The following ETV3 variants were observed in gnomAD, a reference collection of about 807,000 sequenced individuals.
The protein encoded by ETV3 is ETS translocation variant 3.
In ETV3, 8 loss-of-function variants were observed where a neutral mutation model predicts 33.0. That is an observed-to-expected ratio of 0.24 (90% confidence interval 0.14 to 0.44). The LOEUF (loss-of-function observed/expected upper bound fraction) is 0.44. Among genes scored for constraint, ETV3 ranks in the 20% least tolerant of loss-of-function variants. The pLI is 1.00. For missense variants in ETV3, 473 were observed against 652.3 expected, an observed-to-expected ratio of 0.73 and a Z score of 2.99; for synonymous variants, 222 against 238.9, an observed-to-expected ratio of 0.93 and a Z score of 0.65.
At position 157,122,579 on chromosome 1, in the gene ETV3, A is replaced by G. The variant is rs1376820902; in HGVS notation, c.*2262T>C. ...GGGTTCTAGGGGGTTACAGGTATGCATCATGGATTCTTCTCCCTCGTATTT... is the reference window on the plus strand; with the variant it reads ...GGGTTCTAGGGGGTTACAGGTATGCGTCATGGATTCTTCTCCCTCGTATTT... On this transcript the variant is annotated 3_prime_UTR_variant, in exon 5 of 5. Transcript: ENST00000368192. 6.6e-6 allele frequency: 1 copy of G among 152,144 alleles called. No homozygotes were observed. The highest frequency in any genetic ancestry group is 2.4e-5 in the African/African-American group (1 of 41,422). The allele number at this position is 152,144 out of a possible 1,614,324, so 9.4% of individuals were successfully genotyped here. A position where few individuals can be genotyped will look rare whatever the true frequency, so the allele number is the denominator to read the frequency against.
chr1:157,137,273 T>C (rs1675136257), intron 1 of ETV3, among the ~76,000 whole-genome samples: 1 of 151,712 alleles, frequency 6.6e-6, no homozygotes, highest in African/African-American at 2.4e-5. Context: ...TTCCCCAGGG[T>C]GGATGACAGG....
chr1:157,125,295 C>T lies in ETV3; in HGVS notation c.1085G>A (p.Ser362Asn). 6.4e-7 allele frequency: 1 copy of T among 1,552,110 alleles called. No homozygotes were observed. Among genetic ancestry groups the T allele is most frequent in the Non-Finnish European group, 8.7e-7 (1 of 1,147,094 alleles). The change falls in exon 5 of 5, where the codon AGC (serine) becomes AAC (asparagine). Residue 362 changes from serine to asparagine, a missense_variant. Ser to Asn is a conservative substitution (Grantham distance 46). Around this residue, in one of 3 missense-constraint regions of ETV3, gnomAD observed 410 missense variants for 520.2 expected, o/e 0.79. Transcript: ENST00000368192. The surrounding 1 kb of genome is among the most constrained non-coding windows in gnomAD (Gnocchi z 4.0). ...CGTGGTGACTGGTGCTGACTCCTCG[C>T]TGCTCTCAACCCTCTCCCGGTTCTT... ...GRKNRERVES[S>N]EESAPVTTPT...
rs1419790284 is a variant in ETV3 at position 157,125,907 on chromosome 1, T to C, written c.473A>G (p.His158Arg). Residue 158 changes from histidine to arginine, a missense_variant, in exon 5 of 5, where the codon CAT (histidine) becomes CGT (arginine). Around this residue, in one of 3 missense-constraint regions of ETV3, gnomAD observed 410 missense variants for 520.2 expected, o/e 0.79. Coordinates refer to ENST00000368192, the MANE Select transcript of ETV3 (RefSeq NM_001145312.3). The surrounding 1 kb of genome is among the most constrained non-coding windows in gnomAD (Gnocchi z 4.0). ...CGGCTGCACATCATTGGTTGGAGAA[T>C]GGGTGTCCAGAGGTGGGAAATGGAA... ...SRFHFPPLDT[H>R]SPTNDVQPGR... 4.5e-6 allele frequency: 7 copies of C among 1,551,640 alleles called. No homozygotes were observed. Among genetic ancestry groups the C allele is most frequent in the African/African-American group, 2.7e-5 (2 of 73,044 alleles).
intron 4 of ETV3, among the ~76,000 whole-genome samples, chr1:157,126,726 G>T (rs879917912): frequency 2.6e-5 from 4 of 151,540 alleles, no homozygotes; most frequent in African/African-American, 9.7e-5. Context: ...TGTGCGGAGG[G>T]GCAGAGCTGC....
rs995016813 is a variant in ETV3 at position 157,137,505 on chromosome 1, GAA to G, written c.-14+809_-14+810del. On this transcript the variant is annotated intron_variant, in intron 1 of 4. Coordinates refer to ENST00000368192, the MANE Select transcript of ETV3 (RefSeq NM_001145312.3). ...CACCCCAAAGGAAGGAGCAGACAAGGAAAAACACACACACACACACACACACA... is the reference window on the plus strand; with the variant it reads ...CACCCCAAAGGAAGGAGCAGACAAGGAAACACACACACACACACACACACA... Among the ~76,000 whole-genome samples the G allele has an allele frequency of 4.6e-4, 53 of 115,046 alleles. 1 individual carries two copies. The highest frequency in any genetic ancestry group is 8.5e-5 in the Non-Finnish European group (5 of 58,756). 75.5% of individuals were successfully genotyped at this position (115,046 alleles called of 152,430 possible). A position where few individuals can be genotyped will look rare whatever the true frequency, so the allele number is the denominator to read the frequency against.
chr1:157,130,703 CTAT>C (rs1478547798), intron 4 of ETV3, among the ~76,000 whole-genome samples: 1 of 152,100 alleles, frequency 6.6e-6, no homozygotes, highest in Non-Finnish European at 1.5e-5. Flanking sequence ...AGCACAGGGC[CTAT>C]TGTTATGACG....
chr1:157,125,933 C>G lies in ETV3; in HGVS notation c.447G>C (p.Arg149=). 1 of 1,551,614 alleles carries G rather than the reference C, an allele frequency of 6.4e-7. No homozygotes were observed. The highest frequency in any genetic ancestry group is 8.7e-7 in the Non-Finnish European group (1 of 1,146,946). Residue 149 remains arginine, a synonymous_variant, in exon 5 of 5, where the codon CGG becomes CGC. Transcript: ENST00000368192. The surrounding 1 kb of genome is among the most constrained non-coding windows in gnomAD (Gnocchi z 4.0). Reference sequence around the variant, plus strand: ...GGGTGTCCAGAGGTGGGAAATGGAACCGGGAAGAGGCTGTTGGCACTGGTG... The same window carrying G: ...GGGTGTCCAGAGGTGGGAAATGGAAGCGGGAAGAGGCTGTTGGCACTGGTG... The part of the protein sequence containing the change: ...SAPPVPTASS[R]FHFPPLDTHS...
chr1:157,133,519 A>G lies in ETV3; in HGVS notation c.400+593T>C, dbSNP rs1040690608. ...GGAGCTGTGATGGAAAGCTATAACC[A>G]GGAAAGTCAAGAGGGGAAGCCCTAC... On this transcript the variant is annotated intron_variant, in intron 4 of 4. Transcript: ENST00000368192. 1.3e-5 allele frequency: 13 copies of G among 985,850 alleles called. No homozygotes were observed. In the Admixed American group the frequency reaches 2.5e-4, roughly 19 times the overall value. The allele number at this position is 985,850 out of a possible 1,614,324, so 61.1% of individuals were successfully genotyped here.
chr1:157,125,201 G>A lies in ETV3; in HGVS notation c.1179C>T (p.Leu393=), dbSNP rs1417528657. The A allele has an allele frequency of 3.9e-6, 6 of 1,552,232 alleles. No homozygotes were observed. In the South Asian group the frequency reaches 5.9e-5, roughly 15 times the overall value. ...EPASEKDPES[L]RQSAREKEEH... is the part of the protein sequence containing the mutation. ...CCTCCTTCTCTCGTGCCGACTGCCTGAGGCTCTCAGGATCCTTTTCAGAGG... is the reference window on the plus strand; with the variant it reads ...CCTCCTTCTCTCGTGCCGACTGCCTAAGGCTCTCAGGATCCTTTTCAGAGG... Residue 393 remains leucine (L), a synonymous_variant, in exon 5 of 5, where the codon CTC becomes CTT. Coordinates refer to ENST00000368192, the MANE Select transcript of ETV3 (RefSeq NM_001145312.3). The surrounding 1 kb of genome is among the most constrained non-coding windows in gnomAD (Gnocchi z 4.0).
chr1:157,129,412 C>CT (rs1158745800), intron 4 of ETV3, among the ~76,000 whole-genome samples: 1 of 152,188 alleles, frequency 6.6e-6, no homozygotes, highest in African/African-American at 2.4e-5. Context: ...AAACATAACA[C>CT]TGTAGAACTG....
In ETV3 at chr1:157,134,145, G is replaced by A; in HGVS notation, c.367C>T (p.Pro123Ser). 1.2e-6 allele frequency: 2 copies of A among 1,613,962 alleles called. No homozygotes were observed. Among genetic ancestry groups the A allele is most frequent in the Non-Finnish European group, 1.7e-6 (2 of 1,179,932 alleles). The change falls in exon 4 of 5, where the codon CCC becomes TCC. Residue 123 changes from proline (P) to serine (S), a missense_variant. Physicochemically the swap from Pro to Ser is moderately conservative, Grantham distance 74. This residue lies in a region of ETV3 where 410 missense variants were observed against 520.2 expected (regional missense o/e 0.79). Coordinates refer to ENST00000368192, the MANE Select transcript of ETV3 (RefSeq NM_001145312.3). ...YKFNFNKLVM[P>S]NYPFINIRSS... ...CGAATGTTGATGAATGGGTAGTTGG[G>A]CATCACCAGCTTGTTGAAGTTAAAT...
At position 157,134,151 on chromosome 1, in the gene ETV3, C is replaced by T; in HGVS notation, c.361G>A (p.Val121Met). 2.5e-6 allele frequency: 4 copies of T among 1,614,030 alleles called. No homozygotes were observed. The highest frequency in any genetic ancestry group is 3.4e-6 in the Non-Finnish European group (4 of 1,179,952). The change falls in exon 4 of 5, where the codon GTG (valine) becomes ATG (methionine). Residue 121 changes from valine (V) to methionine (M), a missense_variant. By Grantham distance (21) the Val-to-Met change is conservative. Transcript: ENST00000368192. ...TTGATGAATGGGTAGTTGGGCATCACCAGCTTGTTGAAGTTAAATTTATAG... is the reference window on the plus strand; with the variant it reads ...TTGATGAATGGGTAGTTGGGCATCATCAGCTTGTTGAAGTTAAATTTATAG... ...FTYKFNFNKLVMPNYPFINIR... is the reference protein window; with the variant it reads ...FTYKFNFNKLMMPNYPFINIR...
chr1:157,121,725 C>G lies in ETV3; in HGVS notation c.*3116G>C, dbSNP rs1311406055. On this transcript the variant is annotated 3_prime_UTR_variant, in exon 5 of 5. Coordinates refer to ENST00000368192, the MANE Select transcript of ETV3 (RefSeq NM_001145312.3). Reference sequence around the variant, plus strand: ...GAATAAATAAAAAACAAGGGACAAACAGCCAACTGACTCTACCCACTTGGT... The same window carrying G: ...GAATAAATAAAAAACAAGGGACAAAGAGCCAACTGACTCTACCCACTTGGT... The G allele has an allele frequency of 6.6e-6, 1 of 152,186 alleles. No individual in the cohort carries two copies. Among genetic ancestry groups the G allele is most frequent in the Non-Finnish European group, 1.5e-5 (1 of 68,038 alleles). The allele number at this position is 152,186 out of a possible 1,614,324, so 9.4% of individuals were successfully genotyped here.
chr1:157,132,778 G>C (rs1377112118), intron 4 of ETV3, among the ~76,000 whole-genome samples: 2 of 151,646 alleles, frequency 1.3e-5, no homozygotes, highest in Non-Finnish European at 2.9e-5. Flanking sequence ...GCATGCCCCA[G>C]GGACAGGAGG....
At chr1:157,129,406 A>G (rs567427233) in intron 4 of ETV3, among the ~76,000 whole-genome samples, 74 of 152,390 alleles carry the variant, frequency 4.9e-4, no homozygotes, top group African/African-American at 1.7e-3. Flanking sequence ...ATTCAGAAAC[A>G]TAACACTGTA....
Position 157,133,294 on chromosome 1 carries a change from T to C in ETV3, c.400+818A>G, listed in dbSNP as rs187552738. 8.3e-5 allele frequency: 46 copies of C among 556,448 alleles called. No individual in the cohort carries two copies. The Admixed American group carries it at 2.7e-3, about 33-fold the overall frequency. The allele number at this position is 556,448 out of a possible 1,614,324, so 34.5% of individuals were successfully genotyped here. ...GGGGTTAAGGGAAGAAAAAACATCA[T>C]ATATATGAATGGAGTTTGGTACTAT... On this transcript the variant is annotated intron_variant, in intron 4 of 4. Coordinates refer to ENST00000368192, the MANE Select transcript of ETV3 (RefSeq NM_001145312.3).
Position 157,124,659 on chromosome 1 carries a change from T to C in ETV3, c.*182A>G. The C allele has an allele frequency of 1.6e-6, 1 of 610,630 alleles. No individual in the cohort carries two copies. Among genetic ancestry groups the C allele is most frequent in the Non-Finnish European group, 2.7e-6 (1 of 365,040 alleles). 37.8% of individuals were successfully genotyped at this position (610,630 alleles called of 1,614,324 possible). On this transcript the variant is annotated 3_prime_UTR_variant, in exon 5 of 5. Transcript: ENST00000368192. ...CTCACCAGGAAAATAAGTGTGTTCA[T>C]ATCCCACCTAATTTACAACAGAAGA...
At chr1:157,131,849 C>G (rs1674974861) in intron 4 of ETV3, among the ~76,000 whole-genome samples, 1 of 152,244 alleles carries the variant, frequency 6.6e-6, no homozygotes, top group Non-Finnish European at 1.5e-5. Context: ...TTTGGCCTCT[C>G]TGGTCAAAAG....
In ETV3 at chr1:157,124,967, G is replaced by A. The variant is rs1302727877; in HGVS notation, c.1413C>T (p.Pro471=). ...APEKKEDALM[P]PKLRLKRRWN... ...AGCGCCGCTTCAACCGAAGCTTGGGGGGCATCAGTGCATCTTCTTTCTTCT... is the reference window on the plus strand; with the variant it reads ...AGCGCCGCTTCAACCGAAGCTTGGGAGGCATCAGTGCATCTTCTTTCTTCT... Residue 471 remains proline, a synonymous_variant, in exon 5 of 5, where the codon CCC becomes CCT. Coordinates refer to ENST00000368192, the MANE Select transcript of ETV3 (RefSeq NM_001145312.3). The A allele has an allele frequency of 6.4e-7, 1 of 1,551,688 alleles. No homozygotes were observed. The highest frequency in any genetic ancestry group is 2.0e-5 in the Admixed American group (1 of 50,964).
Sources: allele counts gnomAD v4.1 joint callset (sites outside exome capture counted in the v4.1 genomes callset), GRCh38; gene constraint gnomAD v4.1.1; regional missense constraint gnomAD v4.1.1; non-coding constraint Gnocchi (gnomAD v3.1); transcripts MANE v1.5; gene names NCBI Gene and HGNC (gene_info 2026-07-23, HGNC 2026-07-21).